The following SETBP1 variants were observed in gnomAD, a reference collection of about 807,000 sequenced individuals.
SETBP1 encodes SET binding protein 1, also known as SET-binding protein.
In SETBP1, 9 loss-of-function variants were observed where a neutral mutation model predicts 101.0. The ratio of observed to expected loss-of-function variants is 0.09; its 90% CI spans 0.05 to 0.16. SETBP1 has a LOEUF of 0.16. Among genes scored for constraint, SETBP1 ranks in the 10% least tolerant of loss-of-function variants. SETBP1 has a pLI of 1.00. For missense variants in SETBP1, 1,858 were observed against 2,033.8 expected (o/e 0.91, Z 1.66); for synonymous variants, 818 against 788.5 (o/e 1.04, Z -0.63).
intron 2 of SETBP1, among the ~76,000 whole-genome samples, chr18:44,824,740 A>G (rs1489882518): frequency 6.6e-6 from 1 of 152,238 alleles, no homozygotes; most frequent in Non-Finnish European, 1.5e-5. Context: ...GCAATTGAAA[A>G]AAAGAAGGGG....
Position 44,701,395 on chromosome 18 carries a change from T to C in SETBP1, c.49T>C (p.Ser17Pro), listed in dbSNP as rs1436724007. 1.9e-6 allele frequency: 3 copies of C among 1,557,286 alleles called. No homozygotes were observed. The highest frequency in any genetic ancestry group is 2.4e-5 in the South Asian group (2 of 84,720). Residue 17 changes from serine to proline, a missense_variant, in exon 2 of 6, where the codon TCA becomes CCA. By Grantham distance (74) the Ser-to-Pro change is moderately conservative. Coordinates refer to ENST00000649279, the MANE Select transcript of SETBP1 (RefSeq NM_015559.3). ...LSSSRQRGGESDFLPVSSAKP... is the reference protein window; with the variant it reads ...LSSSRQRGGEPDFLPVSSAKP... ...CAGCTCCCGGCAAAGAGGGGGCGAG[T>C]CAGACTTCCTGCCGGTCTCCTCAGC...
chr18:44,936,607 G>A (rs1408489892), intron 3 of SETBP1, among the ~76,000 whole-genome samples: 1 of 152,180 alleles, frequency 6.6e-6, no homozygotes, highest in Non-Finnish European at 1.5e-5. Context: ...AACAGCCATA[G>A]GAGGGGGTGC....
At chr18:44,861,236 T>C (rs868862289) in intron 2 of SETBP1, among the ~76,000 whole-genome samples, 3,256 of 92,442 alleles carry the variant, frequency 0.035, 61 homozygotes, top group Middle Eastern at 0.061. Context: ...TTTCTTTTTT[T>C]TTTTTTTTTT....
chr18:44,686,193 C>T (rs1176564571), intron 1 of SETBP1, among the ~76,000 whole-genome samples: 2 of 152,230 alleles, frequency 1.3e-5, no homozygotes, highest in Non-Finnish European at 2.9e-5. Flanking sequence ...TCATTTGTTC[C>T]CTGACTCTTC....
At chr18:44,932,213 G>A (rs796343596) in intron 3 of SETBP1, among the ~76,000 whole-genome samples, 1 of 152,144 alleles carries the variant, frequency 6.6e-6, no homozygotes, top group Non-Finnish European at 1.5e-5. Flanking sequence ...AGTTTGGATG[G>A]ATATGAAATT....
intron 2 of SETBP1, among the ~76,000 whole-genome samples, chr18:44,765,234 A>G (rs2070740926): frequency 6.6e-6 from 1 of 152,076 alleles, no homozygotes; most frequent in Non-Finnish European, 1.5e-5. Context: ...TCAATTGAGT[A>G]GGTAGATGTA....
chr18:44,768,890 G>C (rs748411491), intron 2 of SETBP1, among the ~76,000 whole-genome samples: 1 of 152,254 alleles, frequency 6.6e-6, no homozygotes, highest in Non-Finnish European at 1.5e-5. Context: ...GTGGGTGATA[G>C]AGTGGAATAT....
intron 4 of SETBP1, among the ~76,000 whole-genome samples, chr18:44,996,379 A>G (rs1599426520): frequency 6.6e-6 from 1 of 152,206 alleles, no homozygotes; most frequent in Admixed American, 6.5e-5. Context: ...TGTGGGGTGG[A>G]GTTCAGGCAT....
At chr18:44,704,482 T>C (rs1329615180) in intron 2 of SETBP1, among the ~76,000 whole-genome samples, 2 of 152,230 alleles carry the variant, frequency 1.3e-5, no homozygotes, top group African/African-American at 2.4e-5. Context: ...CTTCATATGG[T>C]ACTTCTCCAC....
intron 2 of SETBP1, among the ~76,000 whole-genome samples, chr18:44,816,187 C>A (rs1599166726): frequency 6.6e-6 from 1 of 152,226 alleles, no homozygotes; most frequent in African/African-American, 2.4e-5. Flanking sequence ...CAGCAGCTTC[C>A]ACAAGCCTTT....
chr18:44,866,585 A>G (rs374187705), intron 2 of SETBP1, among the ~76,000 whole-genome samples: 1 of 152,368 alleles, frequency 6.6e-6, no homozygotes, highest in East Asian at 1.9e-4. Context: ...GTAAAAATAC[A>G]CACAACAGCA....
At chr18:44,864,417 T>C (rs193157433) in intron 2 of SETBP1, among the ~76,000 whole-genome samples, 284 of 152,240 alleles carry the variant, frequency 1.9e-3, no homozygotes, top group African/African-American at 5.9e-3. Flanking sequence ...ATTCTCCTTG[T>C]TCTCCAACCC....
intron 3 of SETBP1, among the ~76,000 whole-genome samples, chr18:44,927,786 G>A (rs1482763077): frequency 3.3e-5 from 5 of 152,188 alleles, no homozygotes; most frequent in Non-Finnish European, 7.3e-5. Flanking sequence ...ATGTGGGGAT[G>A]ACTAGGGTTA....
intron 2 of SETBP1, among the ~76,000 whole-genome samples, chr18:44,855,329 T>C (rs1409191454): frequency 6.6e-6 from 1 of 152,230 alleles, no homozygotes; most frequent in Non-Finnish European, 1.5e-5. Flanking sequence ...TTCATTTTGC[T>C]ATTTCCCTAC....
intron 4 of SETBP1, among the ~76,000 whole-genome samples, chr18:45,021,531 G>T: frequency 6.6e-6 from 1 of 152,114 alleles, no homozygotes; most frequent in Admixed American, 6.5e-5. Context: ...TTTCTTTCGT[G>T]TGTTCAAAGC....
rs747982980 is a variant in SETBP1, at chr18:44,950,028, C to A, written c.688C>A (p.Pro230Thr). ...CTGGTCCACCAACTCTGACAGCGGACCCGTCACTCAGAATTGCTTCATCAG... is the reference window on the plus strand; with the variant it reads ...CTGGTCCACCAACTCTGACAGCGGAACCGTCACTCAGAATTGCTTCATCAG... Reference protein sequence around the residue: ...MDWSTNSDSGPVTQNCFISPE... With the variant: ...MDWSTNSDSGTVTQNCFISPE... The change falls in exon 4 of 6, where the codon CCC (proline) becomes ACC (threonine). Residue 230 changes from proline (P) to threonine (T), a missense_variant. Physicochemically the swap from Pro to Thr is conservative, Grantham distance 38. Around this residue, in one of 12 missense-constraint regions of SETBP1, gnomAD observed 581 missense variants for 535.1 expected, o/e 1.09. Transcript: ENST00000649279. 4 of 1,614,176 alleles carry A rather than the reference C, an allele frequency of 2.5e-6. No homozygotes were observed. The South Asian group carries it at 4.4e-5, about 18-fold the overall frequency.
At chr18:44,808,232 C>T (rs1309207651) in intron 2 of SETBP1, among the ~76,000 whole-genome samples, 2 of 152,160 alleles carry the variant, frequency 1.3e-5, no homozygotes, top group African/African-American at 2.4e-5. Flanking sequence ...TTTGGATGTG[C>T]CATCTCTTTC....
At chr18:44,762,301 G>C (rs1351215986) in intron 2 of SETBP1, among the ~76,000 whole-genome samples, 2 of 152,130 alleles carry the variant, frequency 1.3e-5, no homozygotes, top group African/African-American at 4.8e-5. Context: ...CCTGTTCTTG[G>C]TATTACCCTA....
At chr18:44,934,889 C>T (rs2070924057) in intron 3 of SETBP1, among the ~76,000 whole-genome samples, 1 of 152,204 alleles carries the variant, frequency 6.6e-6, no homozygotes, top group South Asian at 2.1e-4. Flanking sequence ...ACAAGTGACA[C>T]ATGCCACACT....
Sources: allele counts gnomAD v4.1 joint callset (sites outside exome capture counted in the v4.1 genomes callset), GRCh38; gene constraint gnomAD v4.1.1; regional missense constraint gnomAD v4.1.1; transcripts MANE v1.5; gene names NCBI Gene and HGNC (gene_info 2026-07-23, HGNC 2026-07-21).